Variants in MEP1A observed in about 807,000 individuals in gnomAD.
The protein encoded by MEP1A is N-benzoyl-L-tyrosyl-P-amino-benzoic acid hydrolase subunit alpha.
A neutral mutation model predicts 84.5 loss-of-function variants in MEP1A; 68 were observed. That is an observed-to-expected ratio of 0.80 (90% CI 0.66 to 0.98). MEP1A has a LOEUF of 0.98. Among genes scored for constraint, MEP1A ranks in the 50% least tolerant of loss-of-function variants. MEP1A has a pLI of 0.00. For synonymous variants in MEP1A, 337 were observed against 336.8 expected (o/e 1.00, Z -0.01); for missense variants, 887 against 919.9 (o/e 0.96, Z 0.46).
At chr6:46,822,943 ACTCTTATG>A (rs1168610577) in intron 7 of MEP1A, among the ~76,000 whole-genome samples, 24 of 151,966 alleles carry the variant, frequency 1.6e-4, no homozygotes, top group Admixed American at 1.6e-3. Context: ...GAGATTGTAG[ACTCTTATG>A]CTCTTTAAAA....
At chr6:46,809,686 G>C (rs1000968682) in intron 6 of MEP1A, 149 bp downstream of exon 6, 118 of 584,870 alleles carry the variant, frequency 2.0e-4, no homozygotes, top group Non-Finnish European at 7.7e-5. Context: ...AACATACAAT[G>C]TTTGTTTTTT....
In MEP1A at chr6:46,829,663, T is replaced by G. The variant is rs192871782; in HGVS notation, c.1144+92T>G. 1.6e-5 allele frequency: 14 copies of G among 888,474 alleles called. No homozygotes were observed. In the African/African-American group the frequency reaches 2.1e-4, roughly 14 times the overall value. The allele number at this position is 888,474 out of a possible 1,614,324, so 55.0% of individuals were successfully genotyped here. On this transcript the variant is annotated intron_variant, in intron 10 of 13. Transcript: ENST00000230588. Reference sequence around the variant, plus strand: ...TTCCCTCTTTCCTCCTACTCCTCCTTCTTCTCTCTCCTCCTCCTTTTCCTC... The same window carrying G: ...TTCCCTCTTTCCTCCTACTCCTCCTGCTTCTCTCTCCTCCTCCTTTTCCTC...
downstream of MEP1A, among the ~76,000 whole-genome samples, chr6:46,843,520 A>G (rs1768368729): frequency 6.6e-6 from 1 of 152,228 alleles, no homozygotes; most frequent in South Asian, 2.1e-4. Flanking sequence ...GTAGCTTGCT[A>G]TAGAAATATT....
Position 46,803,178 on chromosome 6 carries a change from C to A in MEP1A, c.262+3997C>A, listed in dbSNP as rs1767232531. ...AAAATTCACCGATAAAATAAAATAA[C>A]CAAGTAATGGAATTTTCTTTGTGGG... is the stretch of plus-strand genomic sequence containing the variant. On this transcript the variant is annotated intron_variant, in intron 5 of 13. Coordinates refer to ENST00000230588, the MANE Select transcript of MEP1A (RefSeq NM_005588.3). Among the ~76,000 whole-genome samples, 6 of 151,200 alleles carry A rather than the reference C, an allele frequency of 4.0e-5. No homozygotes were observed. The South Asian group carries it at 1.2e-3, about 31-fold the overall frequency.
At chr6:46,818,515 C>T (rs909212788) in intron 6 of MEP1A, among the ~76,000 whole-genome samples, 35 of 151,928 alleles carry the variant, frequency 2.3e-4, no homozygotes, top group African/African-American at 8.0e-4. Context: ...TTTGGGTTTG[C>T]TAATAGAGGT....
intron 8 of MEP1A, 119 bp from the exon 9 acceptor site, chr6:46,826,232 TCAA>T: frequency 1.1e-6 from 1 of 871,628 alleles, no homozygotes. Context: ...TGAGAAAAAG[TCAA>T]GATAACAAGC....
At position 46,807,775 on chromosome 6, in the gene MEP1A, G is replaced by A. The variant is rs200504018; in HGVS notation, c.263-1645G>A. ...GGAAGGAAGGAAGGGAGAAAGGAAA[G>A]AAAGAAAGAAAGAAAGAAAGAAAGA... On this transcript the variant is annotated intron_variant, in intron 5 of 13. Coordinates refer to ENST00000230588, the MANE Select transcript of MEP1A (RefSeq NM_005588.3). 4.2e-3 allele frequency among the ~76,000 whole-genome samples: 191 copies of A among 45,004 alleles called. 3 individuals are homozygous for A. The highest frequency in any genetic ancestry group is 0.025 in the East Asian group (26 of 1,058). The allele number at this position is 45,004 out of a possible 152,430, so 29.5% of individuals were successfully genotyped here. A position where few individuals can be genotyped will look rare whatever the true frequency, so the allele number is the denominator to read the frequency against.
intron 7 of MEP1A, among the ~76,000 whole-genome samples, chr6:46,820,753 A>T (rs1404387413): frequency 6.6e-6 from 1 of 151,878 alleles, no homozygotes; most frequent in African/African-American, 2.4e-5. Flanking sequence ...TAAAACATTT[A>T]TTGAGCAGCT....
intron 5 of MEP1A, 64 bp from the exon 6 acceptor site, chr6:46,809,356 A>G (rs533629766): frequency 5.0e-6 from 5 of 997,998 alleles, no homozygotes; most frequent in Non-Finnish European, 3.0e-6. Flanking sequence ...TCTCTAAACT[A>G]TAAGTTATAG....
intron 7 of MEP1A, 115 bp from the exon 8 acceptor site, chr6:46,825,157 A>G: frequency 3.5e-6 from 1 of 283,364 alleles, no homozygotes; most frequent in East Asian, 6.1e-5. Context: ...TATTTAATAT[A>G]TATATTTAAA....
chr6:46,815,815 C>T (rs1279514938), intron 6 of MEP1A, among the ~76,000 whole-genome samples: 2 of 151,790 alleles, frequency 1.3e-5, no homozygotes, highest in East Asian at 1.9e-4. Context: ...GATTTAGCCT[C>T]TTAGGAAAAA....
At position 46,839,151 on chromosome 6, in the gene MEP1A, T is replaced by C; in HGVS notation, c.*15T>C. 6.2e-7 allele frequency: 1 copy of C among 1,609,758 alleles called. No individual in the cohort carries two copies. ...CAAGGAAGTGACCTGCCTGCTGGCA[T>C]TGGCCAGACCACAGCAGCACCTCCT... On this transcript the variant is annotated 3_prime_UTR_variant, in exon 14 of 14. Coordinates refer to ENST00000230588, the MANE Select transcript of MEP1A (RefSeq NM_005588.3).
downstream of MEP1A, among the ~76,000 whole-genome samples, chr6:46,844,100 C>T (rs892324582): frequency 1.3e-5 from 2 of 152,132 alleles, no homozygotes; most frequent in Non-Finnish European, 2.9e-5. Context: ...ATGGTTAAAA[C>T]ATCTTTCTTA....
chr6:46,794,034 A>G (rs1007243991), intron 3 of MEP1A, among the ~76,000 whole-genome samples: 20 of 152,230 alleles, frequency 1.3e-4, no homozygotes, highest in African/African-American at 4.8e-4. Flanking sequence ...CGATTGTTAA[A>G]GAAAAATATA....
chr6:46,815,283 G>T (rs982041371), intron 6 of MEP1A, among the ~76,000 whole-genome samples: 1 of 152,144 alleles, frequency 6.6e-6, no homozygotes, highest in Non-Finnish European at 1.5e-5. Context: ...TGGGGAATGG[G>T]GGTGTGGTTT....
At chr6:46,838,040 C>T (rs1768256046) in intron 13 of MEP1A, among the ~76,000 whole-genome samples, 1 of 151,518 alleles carries the variant, frequency 6.6e-6, no homozygotes, top group Admixed American at 6.6e-5. Flanking sequence ...TACAGGTGCC[C>T]ACCACCATGT....
intron 10 of MEP1A, among the ~76,000 whole-genome samples, chr6:46,831,168 T>G (rs1768066138): frequency 6.6e-6 from 1 of 152,214 alleles, no homozygotes; most frequent in South Asian, 2.1e-4. Flanking sequence ...CAATGAAACT[T>G]TTCAAAAAGG....
chr6:46,807,612 GGAAGGAAGGAAA>G (rs60330481), intron 5 of MEP1A, among the ~76,000 whole-genome samples: 1,498 of 70,956 alleles, frequency 0.021, 20 homozygotes, highest in South Asian at 0.035. Context: ...AAGGAAGGAA[GGAAGGAAGGAAA>G]GAAGGAAGGA....
chr6:46,796,535 C>T (rs1418951354), intron 3 of MEP1A, among the ~76,000 whole-genome samples: 7 of 152,214 alleles, frequency 4.6e-5, no homozygotes, highest in Admixed American at 3.3e-4. Context: ...TTGTATGTCT[C>T]CTTCTTCCCC....
Sources: gnomAD v4.1 joint callset for allele counts (sites outside exome capture counted in the v4.1 genomes callset) on GRCh38, gnomAD v4.1.1 for gene constraint, MANE v1.5 for transcripts, NCBI Gene and HGNC (gene_info 2026-07-23, HGNC 2026-07-21) for gene names.